The following CELF4 variants were observed in gnomAD, a reference collection of about 807,000 sequenced individuals.
CELF4 encodes CUGBP Elav-like family member 4, also known as CUG-BP- and ETR-3-like factor 4.
CELF4 carries 18 observed loss-of-function variants against 59.9 expected under a neutral mutation model. The observed-to-expected ratio is 0.30, with a 90% confidence interval of 0.21 to 0.45. The LOEUF is 0.45. Among genes scored for constraint, CELF4 ranks in the 20% least tolerant of loss-of-function variants. The probability of loss-of-function intolerance (pLI) is 1.00; values close to 1 mark genes in which losing one functional copy is unlikely to be tolerated. For synonymous variants in CELF4, 261 were observed against 267.1 expected, an observed-to-expected ratio of 0.98 and a Z score of 0.22; for missense variants, 456 against 689.0, an observed-to-expected ratio of 0.66 and a Z score of 3.79.
At chr18:37,255,374 C>G (rs1568989932) in intron 11 of CELF4, among the ~76,000 whole-genome samples, 1 of 151,986 alleles carries the variant, frequency 6.6e-6, no homozygotes, top group South Asian at 2.1e-4. Flanking sequence ...CCTCCATCGT[C>G]TCTTTCTTTC....
In CELF4 at chr18:37,244,585, T is replaced by A. The variant is rs977579415; in HGVS notation, c.*657A>T. ...TTTTGTTGTTTTTTTTGTTTTTTGT[T>A]TTTTTTTTAATTTTTTATTACATTT... On this transcript the variant is annotated 3_prime_UTR_variant, in exon 13 of 13. Transcript: ENST00000420428. 1 of 151,446 alleles carries A rather than the reference T, an allele frequency of 6.6e-6. No homozygotes were observed. Among genetic ancestry groups the A allele is most frequent in the African/African-American group, 2.4e-5 (1 of 40,846 alleles). 9.4% of individuals were successfully genotyped at this position (151,446 alleles called of 1,614,324 possible).
intron 2 of CELF4, among the ~76,000 whole-genome samples, chr18:37,422,650 G>GTGCA (rs1221715066): frequency 6.6e-6 from 1 of 152,196 alleles, no homozygotes; most frequent in African/African-American, 2.4e-5. Context: ...GCGCACATGT[G>GTGCA]TGCATGCATG....
intron 2 of CELF4, among the ~76,000 whole-genome samples, chr18:37,405,714 C>T (rs2099383753): frequency 6.6e-6 from 1 of 152,214 alleles, no homozygotes; most frequent in Non-Finnish European, 1.5e-5. Context: ...CCGCTAAAAG[C>T]AGGAGTCCCC....
At chr18:37,324,425 C>A (rs370023911) in intron 2 of CELF4, among the ~76,000 whole-genome samples, 33 of 152,264 alleles carry the variant, frequency 2.2e-4, no homozygotes, top group African/African-American at 7.9e-4. Flanking sequence ...GAGGACACAG[C>A]GAGAAGGCCG....
intron 2 of CELF4, among the ~76,000 whole-genome samples, chr18:37,443,176 T>C (rs1603641284): frequency 6.6e-6 from 1 of 152,126 alleles, no homozygotes; most frequent in African/African-American, 2.4e-5. Context: ...CCCTAGAGCC[T>C]CACAGGGGGC....
chr18:37,545,867 G>A (rs1342727748), intron 1 of CELF4, among the ~76,000 whole-genome samples: 1 of 152,166 alleles, frequency 6.6e-6, no homozygotes, highest in Non-Finnish European at 1.5e-5. Context: ...CAGGGAATCT[G>A]TGGGCAGAAT....
intron 3 of CELF4, among the ~76,000 whole-genome samples, chr18:37,311,335 C>T (rs1027520996): frequency 2.0e-5 from 3 of 152,200 alleles, no homozygotes; most frequent in Non-Finnish European, 4.4e-5. Flanking sequence ...TCTCTGGGAA[C>T]TCTTCCCCAC....
chr18:37,483,374 G>A (rs1038267306), intron 2 of CELF4, among the ~76,000 whole-genome samples: 1 of 152,138 alleles, frequency 6.6e-6, no homozygotes, highest in East Asian at 1.9e-4. Context: ...CCTCTGGTGG[G>A]CGTGCCTGCC....
intron 2 of CELF4, among the ~76,000 whole-genome samples, chr18:37,342,183 C>T (rs900320661): frequency 2.6e-5 from 4 of 151,496 alleles, no homozygotes; most frequent in Non-Finnish European, 4.4e-5. Flanking sequence ...AGGGCTGTGG[C>T]CATTTTGTAT....
intron 3 of CELF4, among the ~76,000 whole-genome samples, chr18:37,282,954 C>T (rs2094329628): frequency 6.6e-6 from 1 of 152,108 alleles, no homozygotes; most frequent in Non-Finnish European, 1.5e-5. Context: ...GGGAAGAAGG[C>T]TGGAGGAGAC....
chr18:37,386,170 GT>G (rs1458596519), intron 2 of CELF4, among the ~76,000 whole-genome samples: 6 of 152,152 alleles, frequency 3.9e-5, no homozygotes, highest in Non-Finnish European at 5.9e-5. Flanking sequence ...ATACCCCGCT[GT>G]CCCCCTAAAG....
chr18:37,477,915 T>G (rs1242990543), intron 2 of CELF4, among the ~76,000 whole-genome samples: 2 of 152,166 alleles, frequency 1.3e-5, no homozygotes, highest in Non-Finnish European at 2.9e-5. Flanking sequence ...AATGCCTGTC[T>G]GGTGTCCTTA....
chr18:37,321,951 G>T, intron 2 of CELF4, 70 bp from the exon 3 acceptor site: 1 of 1,258,428 alleles, frequency 7.9e-7, no homozygotes, highest in Non-Finnish European at 1.1e-6. Context: ...CCAGCACTCA[G>T]GTGCACAGGT....
intron 12 of CELF4, among the ~76,000 whole-genome samples, chr18:37,248,951 CAGGGAGGG>C (rs113251007): frequency 2.5e-4 from 37 of 148,926 alleles, no homozygotes; most frequent in South Asian, 4.2e-4. Context: ...TGCTTTCCTG[CAGGGAGGG>C]AGGGAGGGAG....
At chr18:37,354,887 T>C (rs1428869013) in intron 2 of CELF4, among the ~76,000 whole-genome samples, 2 of 152,234 alleles carry the variant, frequency 1.3e-5, no homozygotes, top group African/African-American at 2.4e-5. Context: ...GCCAGGGAAG[T>C]AGCACTTAGG....
chr18:37,532,099 G>A (rs189078976), intron 1 of CELF4, among the ~76,000 whole-genome samples: 42 of 152,270 alleles, frequency 2.8e-4, no homozygotes, highest in African/African-American at 9.9e-4. Context: ...GGCCTACCTG[G>A]TCCTGCACTG....
intron 2 of CELF4, among the ~76,000 whole-genome samples, chr18:37,388,098 G>T (rs929166004): frequency 6.6e-6 from 1 of 152,086 alleles, no homozygotes; most frequent in African/African-American, 2.4e-5. Flanking sequence ...TGTGATTTGG[G>T]TAAATCCTTT....
chr18:37,563,897 A>G (rs76655181), intron 1 of CELF4, among the ~76,000 whole-genome samples: 8,930 of 152,286 alleles, frequency 0.059, 338 homozygotes, highest in Middle Eastern at 0.092. Context: ...TCTGTTTAGT[A>G]TTCGAACGAA....
chr18:37,564,209 A>G (rs550971996), intron 1 of CELF4, among the ~76,000 whole-genome samples: 5 of 152,212 alleles, frequency 3.3e-5, no homozygotes, highest in South Asian at 2.1e-4. Context: ...CTGGCGATCA[A>G]TCTCTCTCAG....
Sources: allele counts gnomAD v4.1 joint callset (sites outside exome capture counted in the v4.1 genomes callset), GRCh38; gene constraint gnomAD v4.1.1; transcripts MANE v1.5; gene names NCBI Gene and HGNC (gene_info 2026-07-23, HGNC 2026-07-21).